Variants in FHIT observed in about 807,000 individuals in gnomAD.
The protein encoded by FHIT is bis(5'-adenosyl)-triphosphatase.
In FHIT, 19 loss-of-function variants were observed where a neutral mutation model predicts 17.9. The observed-to-expected ratio is 1.06, with a 90% CI of 0.74 to 1.56. The LOEUF (loss-of-function observed/expected upper bound fraction) is 1.56. Among genes scored for constraint, FHIT ranks in the 40% most tolerant of loss-of-function variants. FHIT has a pLI of 0.00. For missense variants in FHIT, 248 were observed against 189.2 expected (o/e 1.31, Z -1.82); for synonymous variants, 81 against 69.7 (o/e 1.16, Z -0.81).
chr3:60,343,058 G>A (rs1382627869), intron 5 of FHIT, among the ~76,000 whole-genome samples: 1 of 151,918 alleles, frequency 6.6e-6, no homozygotes, highest in Non-Finnish European at 1.5e-5. Context: ...TACACCCCAG[G>A]GATCTTCTTT....
At chr3:60,080,310 T>A (rs1052916397) in intron 5 of FHIT, among the ~76,000 whole-genome samples, 1 of 152,132 alleles carries the variant, frequency 6.6e-6, no homozygotes, top group Non-Finnish European at 1.5e-5. Context: ...TGGGAGAACC[T>A]CTGCTAGGAT....
At chr3:61,120,999 T>C (rs575034569) in intron 2 of FHIT, among the ~76,000 whole-genome samples, 6 of 151,160 alleles carry the variant, frequency 4.0e-5, no homozygotes, top group South Asian at 2.1e-4. Context: ...GTATCAGAGA[T>C]TGAAGATCAA....
intron 4 of FHIT, among the ~76,000 whole-genome samples, chr3:60,759,527 G>T (rs1465735956): frequency 1.3e-5 from 2 of 152,158 alleles, no homozygotes; most frequent in African/African-American, 4.8e-5. Context: ...AGTTTTTAAG[G>T]ATGGAGCCCT....
chr3:59,865,398 G>A (rs621666), intron 8 of FHIT, among the ~76,000 whole-genome samples: 15,665 of 152,342 alleles, frequency 0.1, 792 homozygotes, highest in African/African-American at 0.11. Context: ...CTGCCTAGCA[G>A]AGCATTTTAA....
At chr3:60,406,966 C>T (rs888272033) in intron 5 of FHIT, among the ~76,000 whole-genome samples, 1 of 151,568 alleles carries the variant, frequency 6.6e-6, no homozygotes, top group Non-Finnish European at 1.5e-5. Flanking sequence ...GTAGCACTTG[C>T]TATGCATAAA....
At chr3:60,454,502 A>T (rs1035719280) in intron 5 of FHIT, among the ~76,000 whole-genome samples, 4 of 151,270 alleles carry the variant, frequency 2.6e-5, no homozygotes, top group African/African-American at 9.7e-5. Flanking sequence ...CTCCTGCCTC[A>T]GCCTCTCGAG....
At chr3:60,399,018 G>A (rs1490292369) in intron 5 of FHIT, among the ~76,000 whole-genome samples, 24 of 152,020 alleles carry the variant, frequency 1.6e-4, no homozygotes, top group Non-Finnish European at 3.5e-4. Flanking sequence ...AGACTTTTTT[G>A]AAAGATGCTA....
intron 5 of FHIT, among the ~76,000 whole-genome samples, chr3:60,377,522 C>T (rs1415789539): frequency 1.5e-5 from 2 of 129,626 alleles, no homozygotes; most frequent in Non-Finnish European, 1.6e-5. Flanking sequence ...TCGCCCAGGC[C>T]GGACTGCGGA....
intron 1 of FHIT, among the ~76,000 whole-genome samples, chr3:61,208,491 G>T (rs1460388076): frequency 6.6e-6 from 1 of 151,972 alleles, no homozygotes; most frequent in Non-Finnish European, 1.5e-5. Flanking sequence ...TATGAATCTG[G>T]GTGCTCCTGT....
chr3:60,570,757 T>C (rs1260943097), intron 4 of FHIT, among the ~76,000 whole-genome samples: 1 of 52,860 alleles, frequency 1.9e-5, no homozygotes, highest in Non-Finnish European at 4.4e-5. Flanking sequence ...AAAAAAAAAC[T>C]ATCTCAAGAG....
intron 5 of FHIT, among the ~76,000 whole-genome samples, chr3:60,374,846 C>T (rs1236014856): frequency 6.6e-6 from 1 of 152,048 alleles, no homozygotes; most frequent in Non-Finnish European, 1.5e-5. Context: ...GAAGAGACTG[C>T]TAATCACTGA....
chr3:59,814,394 A>C (rs545908074), intron 8 of FHIT, among the ~76,000 whole-genome samples: 2 of 152,242 alleles, frequency 1.3e-5, no homozygotes, highest in Non-Finnish European at 2.9e-5. Context: ...GGGTCAAGAC[A>C]GGTGTTTCCA....
intron 5 of FHIT, among the ~76,000 whole-genome samples, chr3:60,340,837 A>G (rs1710479682): frequency 6.6e-6 from 1 of 151,978 alleles, no homozygotes; most frequent in East Asian, 1.9e-4. Flanking sequence ...CCTACCAAAT[A>G]TCTGGGACCA....
intron 8 of FHIT, among the ~76,000 whole-genome samples, chr3:59,882,757 C>G (rs1329034763): frequency 6.6e-6 from 1 of 152,182 alleles, no homozygotes; most frequent in East Asian, 1.9e-4. Context: ...ACACCTAACA[C>G]CTTGGTCCAT....
At chr3:59,983,557 T>C (rs1444815253) in intron 7 of FHIT, among the ~76,000 whole-genome samples, 1 of 152,118 alleles carries the variant, frequency 6.6e-6, no homozygotes, top group Non-Finnish European at 1.5e-5. Flanking sequence ...TATGTACATA[T>C]AGGAAAAAAC....
At chr3:60,620,082 T>C (rs918838659) in intron 4 of FHIT, among the ~76,000 whole-genome samples, 7 of 152,142 alleles carry the variant, frequency 4.6e-5, no homozygotes, top group African/African-American at 7.2e-5. Flanking sequence ...TATTAGGATA[T>C]TGCAAATTAA....
At chr3:60,494,280 T>C in intron 5 of FHIT, among the ~76,000 whole-genome samples, 1 of 152,226 alleles carries the variant, frequency 6.6e-6, no homozygotes, top group Non-Finnish European at 1.5e-5. Context: ...ATTCTGGATA[T>C]TTCACATAAA....
chr3:60,495,328 T>C (rs1203701719), intron 5 of FHIT, among the ~76,000 whole-genome samples: 3 of 152,212 alleles, frequency 2.0e-5, no homozygotes. Context: ...TCTCTAATTC[T>C]TCTTTAAGGG....
chr3:60,835,977 T>C (rs781867553), intron 3 of FHIT, among the ~76,000 whole-genome samples: 2 of 152,210 alleles, frequency 1.3e-5, no homozygotes, highest in Non-Finnish European at 2.9e-5. Context: ...TAGTGTTTTC[T>C]GTGTAGAAAA....
Sources: allele counts gnomAD v4.1 joint callset (sites outside exome capture counted in the v4.1 genomes callset), GRCh38; gene constraint gnomAD v4.1.1; transcripts MANE v1.5; gene names NCBI Gene and HGNC (gene_info 2026-07-23, HGNC 2026-07-21).